The following BICC1 variants were observed in gnomAD, a reference collection of about 807,000 sequenced individuals.
BICC1 encodes the protein protein bicaudal C homolog 1.
Under a neutral mutation model 111.0 loss-of-function variants are expected in BICC1, and 43 were observed. That is an observed-to-expected ratio of 0.39 (90% CI 0.30 to 0.50). The LOEUF is 0.50. Among genes scored for constraint, BICC1 ranks in the 20% least tolerant of loss-of-function variants. BICC1 has a pLI of 0.88. For missense variants in BICC1, 1,091 were observed against 1,203.2 expected, an observed-to-expected ratio of 0.91 and a Z score of 1.38; for synonymous variants, 467 against 434.4, an observed-to-expected ratio of 1.07 and a Z score of -0.93.
intron 2 of BICC1, among the ~76,000 whole-genome samples, chr10:58,643,139 T>G (rs1368575285): frequency 2.6e-5 from 4 of 152,244 alleles, no homozygotes; most frequent in African/African-American, 9.6e-5. Context: ...TAATCATTAC[T>G]TAAACCTTCA....
chr10:58,638,920 C>T (rs1310913701), intron 2 of BICC1, among the ~76,000 whole-genome samples: 1 of 137,314 alleles, frequency 7.3e-6, no homozygotes, highest in African/African-American at 2.6e-5. Flanking sequence ...TCTTCCCTCC[C>T]TCCCTCCCTC....
chr10:58,542,192 A>T (rs921114273), intron 1 of BICC1, among the ~76,000 whole-genome samples: 2 of 151,352 alleles, frequency 1.3e-5, no homozygotes, highest in Non-Finnish European at 2.9e-5. Context: ...AGACATACAG[A>T]CTAGTGGAAC....
intron 3 of BICC1, among the ~76,000 whole-genome samples, chr10:58,760,820 G>A (rs1400378498): frequency 6.6e-6 from 1 of 152,036 alleles, no homozygotes; most frequent in East Asian, 1.9e-4. Context: ...AACCTCCAAG[G>A]GACAGAATTT....
At chr10:58,699,875 A>G (rs1288229659) in intron 2 of BICC1, among the ~76,000 whole-genome samples, 1 of 152,094 alleles carries the variant, frequency 6.6e-6, no homozygotes, top group Non-Finnish European at 1.5e-5. Context: ...TATTTTTTGT[A>G]GAGACGGAGT....
At chr10:58,555,863 C>T (rs1403372233) in intron 1 of BICC1, among the ~76,000 whole-genome samples, 3 of 152,152 alleles carry the variant, frequency 2.0e-5, no homozygotes, top group Admixed American at 2.0e-4. Flanking sequence ...AGAATCAGTT[C>T]TGTGTGTGGT....
At chr10:58,657,807 TA>T (rs1411424281) in intron 2 of BICC1, among the ~76,000 whole-genome samples, 1 of 3,928 alleles carries the variant, frequency 2.5e-4, no homozygotes, top group Non-Finnish European at 7.5e-3. Flanking sequence ...AGATCACTCA[TA>T]TTTTTTTTTC....
intron 3 of BICC1, among the ~76,000 whole-genome samples, chr10:58,746,026 G>A (rs1262727218): frequency 6.6e-6 from 1 of 152,040 alleles, no homozygotes; most frequent in African/African-American, 2.4e-5. Flanking sequence ...GGGAGAAGTA[G>A]GAAGAATTAT....
At chr10:58,779,345 A>G (rs1448773246) in intron 3 of BICC1, among the ~76,000 whole-genome samples, 1 of 152,228 alleles carries the variant, frequency 6.6e-6, no homozygotes, top group Non-Finnish European at 1.5e-5. Context: ...AGGAAATGCC[A>G]CTGGGGTGAA....
intron 1 of BICC1, among the ~76,000 whole-genome samples, chr10:58,548,165 T>C (rs1843190543): frequency 6.6e-6 from 1 of 152,248 alleles, no homozygotes; most frequent in Non-Finnish European, 1.5e-5. Flanking sequence ...ACATGGCTCA[T>C]TGGAGTTTTC....
At chr10:58,573,310 A>G (rs780223315) in intron 1 of BICC1, among the ~76,000 whole-genome samples, 2 of 152,128 alleles carry the variant, frequency 1.3e-5, no homozygotes, top group Non-Finnish European at 2.9e-5. Flanking sequence ...TTTTCATCCA[A>G]CACAAACTCC....
At chr10:58,531,155 G>A (rs1842672043) in intron 1 of BICC1, among the ~76,000 whole-genome samples, 2 of 151,842 alleles carry the variant, frequency 1.3e-5, no homozygotes, top group Admixed American at 6.6e-5. Context: ...CTACTCAAGT[G>A]ACTGGTTTCT....
At chr10:58,712,049 A>G (rs1840592586) in intron 3 of BICC1, among the ~76,000 whole-genome samples, 1 of 152,342 alleles carries the variant, frequency 6.6e-6, no homozygotes, top group East Asian at 1.9e-4. Context: ...CAAAGATCTT[A>G]ACAGACACCT....
At chr10:58,827,951 T>C (rs772686291) in intron 20 of BICC1, among the ~76,000 whole-genome samples, 6 of 152,214 alleles carry the variant, frequency 3.9e-5, no homozygotes, top group Non-Finnish European at 7.3e-5. Context: ...TTCTGATGAT[T>C]CACTTGCACT....
At chr10:58,655,004 A>G (rs1838586318) in intron 2 of BICC1, among the ~76,000 whole-genome samples, 1 of 144,326 alleles carries the variant, frequency 6.9e-6, no homozygotes, top group Non-Finnish European at 1.5e-5. Flanking sequence ...GATATGCGGC[A>G]TTATTTCTGA....
chr10:58,546,113 C>G (rs1843131627), intron 1 of BICC1, among the ~76,000 whole-genome samples: 1 of 152,118 alleles, frequency 6.6e-6, no homozygotes, highest in South Asian at 2.1e-4. Flanking sequence ...CAGAGTACTT[C>G]TAGGTCATGA....
intron 1 of BICC1, among the ~76,000 whole-genome samples, chr10:58,593,513 G>A (rs1173390320): frequency 6.6e-6 from 1 of 152,072 alleles, no homozygotes; most frequent in East Asian, 1.9e-4. Context: ...TCTGGCAGGT[G>A]CCCCTCTGGG....
intron 17 of BICC1, among the ~76,000 whole-genome samples, chr10:58,812,249 G>C (rs1263831166): frequency 6.6e-6 from 1 of 151,924 alleles, no homozygotes; most frequent in Non-Finnish European, 1.5e-5. Flanking sequence ...GCTGTGTTGA[G>C]GGAAGGAGGA....
At chr10:58,827,713 A>G (rs1422661005) in intron 20 of BICC1, among the ~76,000 whole-genome samples, 1 of 152,214 alleles carries the variant, frequency 6.6e-6, no homozygotes, top group East Asian at 1.9e-4. Flanking sequence ...ATGATAAAAC[A>G]GTGGAAGAAT....
intron 8 of BICC1, among the ~76,000 whole-genome samples, chr10:58,792,839 A>G (rs982301470): frequency 2.1e-4 from 32 of 152,068 alleles, no homozygotes; most frequent in African/African-American, 7.2e-4. Context: ...ATCTGAAACC[A>G]TCCCCCTTCC....
Sources: gnomAD v4.1 joint callset for allele counts (sites outside exome capture counted in the v4.1 genomes callset) on GRCh38, gnomAD v4.1.1 for gene constraint, MANE v1.5 for transcripts, NCBI Gene and HGNC (gene_info 2026-07-23, HGNC 2026-07-21) for gene names.